Variants in KCNK4 observed in about 807,000 individuals in gnomAD.
KCNK4 encodes potassium channel subfamily K member 4.
In KCNK4, 22 loss-of-function variants were observed where a neutral mutation model predicts 28.8. The ratio of observed to expected loss-of-function variants is 0.76; its 90% CI spans 0.55 to 1.09. The LOEUF (loss-of-function observed/expected upper bound fraction) is 1.09. Ranked by LOEUF, KCNK4 falls within the 50% of genes least tolerant of loss-of-function variation. KCNK4 has a pLI of 0.00. For missense variants in KCNK4, 483 were observed against 546.3 expected, an observed-to-expected ratio of 0.88 and a Z score of 1.15; for synonymous variants, 263 against 252.9, an observed-to-expected ratio of 1.04 and a Z score of -0.38.
chr11:64,298,129 C>A lies in KCNK4; in HGVS notation c.681C>A (p.Asp227Glu). Residue 227 changes from aspartate to glutamate, a missense_variant, in exon 6 of 7, where the codon GAC (aspartate) becomes GAA (glutamate). Transcript: ENST00000422670. ...DYVAGADPRQ[D>E]SPAYQPLVWF... ...TCCCAGGCGCGGACCCCAGGCAGGA[C>A]TCCCCGGCCTATCAGCCGCTGGTGT... The A allele has an allele frequency of 6.2e-7, 1 of 1,613,816 alleles. No homozygotes were observed.
Position 64,293,207 on chromosome 11 carries a change from G to A in KCNK4, c.189G>A (p.Lys63=), listed in dbSNP as rs2034683473. ...ACCAGGAGCTGGGCCTCCTCATCAA[G>A]GTGCGTGGGTGGGCCGCAGCCCCTT... ...VSDQELGLLI[K]EVADALGGGA... Residue 63 remains lysine, a splice_region_variant and synonymous_variant, in exon 2 of 7, where the codon AAG becomes AAA. Coordinates refer to ENST00000422670, the MANE Select transcript of KCNK4 (RefSeq NM_033310.3). The A allele has an allele frequency of 3.4e-6, 5 of 1,451,174 alleles. No homozygotes were observed. The highest frequency in any genetic ancestry group is 3.7e-6 in the Non-Finnish European group (4 of 1,095,190). 89.9% of individuals were successfully genotyped at this position (1,451,174 alleles called of 1,614,324 possible).
Position 64,298,130 on chromosome 11 carries a change from T to A in KCNK4, c.682T>A (p.Ser228Thr), listed in dbSNP as rs746785228. ...CCCAGGCGCGGACCCCAGGCAGGAC[T>A]CCCCGGCCTATCAGCCGCTGGTGTG... The part of the protein sequence containing the change: ...YVAGADPRQD[S>T]PAYQPLVWFW... The change falls in exon 6 of 7, where the codon TCC (serine) becomes ACC (threonine). Residue 228 changes from serine to threonine, a missense_variant. Coordinates refer to ENST00000422670, the MANE Select transcript of KCNK4 (RefSeq NM_033310.3). 1 of 1,613,774 alleles carries A rather than the reference T, an allele frequency of 6.2e-7. No individual in the cohort carries two copies. Among genetic ancestry groups the A allele is most frequent in the South Asian group, 1.1e-5 (1 of 91,036 alleles).
intron 2 of KCNK4, among the ~76,000 whole-genome samples, chr11:64,294,152 T>C (rs1025803002): frequency 1.3e-5 from 2 of 152,068 alleles, no homozygotes; most frequent in African/African-American, 4.8e-5. Flanking sequence ...CATGCATGCT[T>C]ACCATGTGGG....
rs754700692 is a variant in KCNK4, at chr11:64,297,512, CT to C, written c.524del (p.Phe175SerfsTer3). Reference protein sequence around the residue: ...PELVRVLSAMLFLLIGCLLFV... With the variant: ...PELVRVLSAMXFLLIGCLLFV... ...GCTAGTAAGAGTGCTGTCGGCGATG[CT>C]TTTCCTGCTGATCGGCTGCCTGCTC... On this transcript the variant is annotated frameshift_variant, in exon 5 of 7. Coordinates refer to ENST00000422670, the MANE Select transcript of KCNK4 (RefSeq NM_033310.3). LOFTEE classifies it high-confidence loss of function. 1.9e-6 allele frequency: 3 copies of C among 1,614,058 alleles called. No individual in the cohort carries two copies. The African/African-American group carries it at 4.0e-5, about 22-fold the overall frequency.
chr11:64,299,050 G>GAAAAAAAAAAAAAAAAAAAAAA (rs56097945), intron 6 of KCNK4, among the ~76,000 whole-genome samples: 4 of 85,080 alleles, frequency 4.7e-5, no homozygotes, highest in African/African-American at 4.6e-5. Flanking sequence ...AAAAAAAGAA[G>GAAAAAAAAAAAAAAAAAAAAAA]AAAAAAAAAA....
Position 64,298,186 on chromosome 11 carries a change from C to T in KCNK4, c.738C>T (p.Phe246=), listed in dbSNP as rs145581707. 772 of 1,613,778 alleles carry T rather than the reference C, an allele frequency of 4.8e-4. 6 individuals carry two copies. In the South Asian group the frequency reaches 5.8e-3, roughly 12 times the overall value. Residue 246 remains phenylalanine (F), a synonymous_variant, in exon 6 of 7, where the codon TTC becomes TTT. Transcript: ENST00000422670. ...GGATCCTGCTCGGCCTGGCTTACTT[C>T]GCCTCAGTGCTCACCACCATCGGGA... ...WFWILLGLAY[F]ASVLTTIGNW... is the part of the protein sequence containing the mutation.
In KCNK4 at chr11:64,297,151, G is replaced by T. The variant is rs1405790645; in HGVS notation, c.346G>T (p.Gly116Trp). ...YGNVALRTDA[G>W]RLFCIFYALV... Reference sequence around the variant, plus strand: ...CAATGTGGCCCTGCGCACAGATGCCGGGCGCCTCTTCTGCATCTTTTATGC... The same window carrying T: ...CAATGTGGCCCTGCGCACAGATGCCTGGCGCCTCTTCTGCATCTTTTATGC... The change falls in exon 4 of 7, where the codon GGG becomes TGG. Residue 116 changes from glycine to tryptophan, a missense_variant. Transcript: ENST00000422670. The T allele has an allele frequency of 1.5e-5, 24 of 1,614,118 alleles. No individual in the cohort carries two copies. The highest frequency in any genetic ancestry group is 1.8e-5 in the Non-Finnish European group (21 of 1,180,004).
Position 64,299,867 on chromosome 11 carries a change from G to A in KCNK4, c.*141G>A, listed in dbSNP as rs993443658. ...ACAGTTGCCTCTCCGCCTCCTCCCT[G>A]GCCCCGGCCCTTCCCTCACTTCCAT... On this transcript the variant is annotated 3_prime_UTR_variant, in exon 7 of 7. Transcript: ENST00000422670. 6.7e-7 allele frequency: 1 copy of A among 1,483,680 alleles called. No individual in the cohort carries two copies. The highest frequency in any genetic ancestry group is 9.1e-7 in the Non-Finnish European group (1 of 1,101,904). 91.9% of individuals were successfully genotyped at this position (1,483,680 alleles called of 1,614,324 possible). A position where few individuals can be genotyped will look rare whatever the true frequency, so the allele number is the denominator to read the frequency against.
chr11:64,294,173 G>C (rs1360381239), intron 2 of KCNK4, among the ~76,000 whole-genome samples: 1 of 152,042 alleles, frequency 6.6e-6, no homozygotes, highest in Non-Finnish European at 1.5e-5. Flanking sequence ...GAGAAGGGGG[G>C]GTGCGTCAGG....
At chr11:64,298,442 A>G (rs2034833484) in intron 6 of KCNK4, among the ~76,000 whole-genome samples, 193 bp downstream of exon 6, 1 of 152,142 alleles carries the variant, frequency 6.6e-6, no homozygotes, top group Non-Finnish European at 1.5e-5. Flanking sequence ...CTCTTCCTTC[A>G]TGGGTAGGAT....
At position 64,297,785 on chromosome 11, in the gene KCNK4, AC is replaced by A. The variant is rs1163465065; in HGVS notation, c.661+133del. ...TGCATCCATCATGGAATGCACCATCACAGCCTTGCACACACACCAGCGCCTT... is the reference window on the plus strand; with the variant it reads ...TGCATCCATCATGGAATGCACCATCAAGCCTTGCACACACACCAGCGCCTT... On this transcript the variant is annotated intron_variant, in intron 5 of 6. Coordinates refer to ENST00000422670, the MANE Select transcript of KCNK4 (RefSeq NM_033310.3). The A allele has an allele frequency of 5.6e-6, 5 of 894,836 alleles. No homozygotes were observed. In the East Asian group the frequency reaches 1.3e-4, roughly 23 times the overall value. The allele number at this position is 894,836 out of a possible 1,614,324, so 55.4% of individuals were successfully genotyped here. A position where few individuals can be genotyped will look rare whatever the true frequency, so the allele number is the denominator to read the frequency against.
intron 1 of KCNK4, among the ~76,000 whole-genome samples, chr11:64,292,282 G>C (rs1442012098): frequency 1.3e-5 from 2 of 152,120 alleles, no homozygotes; most frequent in Non-Finnish European, 2.9e-5. Flanking sequence ...CTGTCGCCCC[G>C]GTGTGGCCTT....
chr11:64,294,619 C>CA (rs1160661860), intron 2 of KCNK4, among the ~76,000 whole-genome samples: 1 of 150,986 alleles, frequency 6.6e-6, no homozygotes, highest in East Asian at 1.9e-4. Context: ...CACTGTCATA[C>CA]AAAAAAATTA....
At chr11:64,297,048 T>TG in intron 3 of KCNK4, 47 bp downstream of exon 3, 1 of 1,594,766 alleles carries the variant, frequency 6.3e-7, no homozygotes, top group Non-Finnish European at 8.6e-7. Context: ...AGCTTCCTCA[T>TG]GGGGGAAGGT....
Position 64,292,995 on chromosome 11 carries a change from G to C in KCNK4, c.-24G>C, listed in dbSNP as rs1215965974. On this transcript the variant is annotated 5_prime_UTR_variant, in exon 2 of 7. Coordinates refer to ENST00000422670, the MANE Select transcript of KCNK4 (RefSeq NM_033310.3). Reference sequence around the variant, plus strand: ...CCGGCCCCTCCAGGCGGGCAGTGGAGCTGGCCCGGCGCCTGGGCGCGCCAT... The same window carrying C: ...CCGGCCCCTCCAGGCGGGCAGTGGACCTGGCCCGGCGCCTGGGCGCGCCAT... 1 of 1,529,164 alleles carries C rather than the reference G, an allele frequency of 6.5e-7. No homozygotes were observed. Among genetic ancestry groups the C allele is most frequent in the East Asian group, 2.5e-5 (1 of 40,262 alleles). 94.7% of individuals were successfully genotyped at this position (1,529,164 alleles called of 1,614,324 possible). A position where few individuals can be genotyped will look rare whatever the true frequency, so the allele number is the denominator to read the frequency against.
In KCNK4 at chr11:64,293,106, C is replaced by A; in HGVS notation, c.88C>A (p.Pro30Thr). The change falls in exon 2 of 7, where the codon CCC becomes ACC. Residue 30 changes from proline (P) to threonine (T), a missense_variant. Transcript: ENST00000422670. ...GALVFRALEQ[P>T]HEQQAQRELG... ...CCTGGTGTTCCGGGCCCTGGAGCAG[C>A]CCCACGAGCAGCAGGCCCAGAGGGA... 6.5e-7 allele frequency: 1 copy of A among 1,547,774 alleles called. No individual in the cohort carries two copies. Among genetic ancestry groups the A allele is most frequent in the Non-Finnish European group, 8.7e-7 (1 of 1,145,478 alleles).
chr11:64,298,183 C>T lies in KCNK4; in HGVS notation c.735C>T (p.Tyr245=). The change falls in exon 6 of 7, where the codon TAC becomes TAT. Residue 245 remains tyrosine, a synonymous_variant. Transcript: ENST00000422670. ...VWFWILLGLA[Y]FASVLTTIGN... is the part of the protein sequence containing the mutation. ...TCTGGATCCTGCTCGGCCTGGCTTACTTCGCCTCAGTGCTCACCACCATCG... is the reference window on the plus strand; with the variant it reads ...TCTGGATCCTGCTCGGCCTGGCTTATTTCGCCTCAGTGCTCACCACCATCG... The T allele has an allele frequency of 6.2e-7, 1 of 1,613,834 alleles. No homozygotes were observed. Among genetic ancestry groups the T allele is most frequent in the South Asian group, 1.1e-5 (1 of 91,060 alleles).
intron 2 of KCNK4, among the ~76,000 whole-genome samples, chr11:64,294,312 G>A (rs1427990620): frequency 1.3e-5 from 2 of 152,092 alleles, no homozygotes; most frequent in Non-Finnish European, 2.9e-5. Context: ...GAGGTCAGGA[G>A]TTCAAGACCA....
Position 64,296,990 on chromosome 11 carries a change from T to C in KCNK4, c.302T>C (p.Ile101Thr). 1 of 1,537,918 alleles carries C rather than the reference T, an allele frequency of 6.5e-7. No individual in the cohort carries two copies. The highest frequency in any genetic ancestry group is 8.7e-7 in the Non-Finnish European group (1 of 1,142,874). ...GCCTTCTTTTTCTCAGGGACCATCA[T>C]CACCACCATCGGTGGGGGAGGGGAT... ...GSAFFFSGTI[I>T]TTIGYGNVAL... The change falls in exon 3 of 7, where the codon ATC (isoleucine) becomes ACC (threonine). Residue 101 changes from isoleucine (I) to threonine (T), a missense_variant. By Grantham distance (89) the Ile-to-Thr change is moderately conservative. Transcript: ENST00000422670.
Sources: allele counts gnomAD v4.1 joint callset (sites outside exome capture counted in the v4.1 genomes callset), GRCh38; gene constraint gnomAD v4.1.1; transcripts MANE v1.5; gene names NCBI Gene and HGNC (gene_info 2026-07-23, HGNC 2026-07-21).